DTWD1: variants seen among roughly 807,000 people sequenced by gnomAD.
DTWD1 encodes DTW motif tRNA-uridine aminocarboxypropyltransferase 1.
A neutral mutation model predicts 30.2 loss-of-function variants in DTWD1; 27 were observed. The observed-to-expected ratio is 0.90, with a 90% CI of 0.66 to 1.23. The LOEUF (loss-of-function observed/expected upper bound fraction) is 1.23. Ranked by LOEUF, DTWD1 falls within the 50% of genes most tolerant of loss-of-function variation. The pLI is 0.00. For synonymous variants in DTWD1, 99 were observed against 113.1 expected (o/e 0.88, Z 0.79); for missense variants, 342 against 348.8 (o/e 0.98, Z 0.15).
chr15:49,627,647 A>G (rs1359967553), intron 2 of DTWD1, among the ~76,000 whole-genome samples: 1 of 152,212 alleles, frequency 6.6e-6, no homozygotes, highest in African/African-American at 2.4e-5. Context: ...ATGTTATTGT[A>G]CTGCATACTG....
intron 2 of DTWD1, among the ~76,000 whole-genome samples, chr15:49,627,232 G>A (rs975934009): frequency 6.6e-6 from 1 of 152,060 alleles, no homozygotes; most frequent in Non-Finnish European, 1.5e-5. Context: ...ACTGTGCAGA[G>A]TTTTCTAAAG....
At position 49,648,176 on chromosome 15, in the gene DTWD1, AG is replaced by A. The variant is rs1339558742; in HGVS notation, c.*4600del. The A allele has an allele frequency of 6.6e-6, 1 of 152,224 alleles. No individual in the cohort carries two copies. The highest frequency in any genetic ancestry group is 1.5e-5 in the Non-Finnish European group (1 of 68,038). 9.4% of individuals were successfully genotyped at this position (152,224 alleles called of 1,614,324 possible). A position where few individuals can be genotyped will look rare whatever the true frequency, so the allele number is the denominator to read the frequency against. ...AAGTTTACAAAAAATAATGAGCATT[AG>A]GTAGATGGAATGAAAGTCTATTCAT... On this transcript the variant is annotated 3_prime_UTR_variant, in exon 5 of 5. Coordinates refer to ENST00000403028, the MANE Select transcript of DTWD1 (RefSeq NM_001144955.2).
intron 2 of DTWD1, chr15:49,630,887 G>A: frequency 4.0e-6 from 1 of 247,660 alleles, no homozygotes; most frequent in South Asian, 3.7e-5. Flanking sequence ...GGCAGCATTA[G>A]ATTCTCATAG....
intron 4 of DTWD1, among the ~76,000 whole-genome samples, 175 bp from the exon 5 acceptor site, chr15:49,643,156 G>GT (rs2079084713): frequency 6.6e-6 from 1 of 151,934 alleles, no homozygotes; most frequent in Non-Finnish European, 1.5e-5. Context: ...ACCTTGAGGT[G>GT]TTTAAGAAAA....
intron 2 of DTWD1, chr15:49,626,864 A>C (rs1422201561): frequency 2.8e-6 from 1 of 354,366 alleles, no homozygotes; most frequent in African/African-American, 2.1e-5. Flanking sequence ...TGATCTTCAC[A>C]GTTTGCTCCG....
rs1456213678 is a variant in DTWD1 at position 49,646,843 on chromosome 15, T to C, written c.*3265T>C. 2 of 152,222 alleles carry C rather than the reference T, an allele frequency of 1.3e-5. No individual in the cohort carries two copies. Among genetic ancestry groups the C allele is most frequent in the Non-Finnish European group, 1.5e-5 (1 of 68,054 alleles). The allele number at this position is 152,222 out of a possible 1,614,324, so 9.4% of individuals were successfully genotyped here. ...CCTCACTTCCTTTCTTCCTCGCTCT[T>C]ACCAGCCTGGATTGTACCTTTAATA... is the stretch of plus-strand genomic sequence containing the variant. On this transcript the variant is annotated 3_prime_UTR_variant, in exon 5 of 5. Coordinates refer to ENST00000403028, the MANE Select transcript of DTWD1 (RefSeq NM_001144955.2).
chr15:49,625,993 G>A (rs918747573), intron 2 of DTWD1, among the ~76,000 whole-genome samples: 1 of 152,070 alleles, frequency 6.6e-6, no homozygotes, highest in African/African-American at 2.4e-5. Flanking sequence ...ATCATTCCTA[G>A]CATGAAAACC....
chr15:49,633,640 T>C, intron 3 of DTWD1: 1 of 272,948 alleles, frequency 3.7e-6, no homozygotes, highest in Non-Finnish European at 7.2e-6. Context: ...CGGCCAAGAT[T>C]TTTTGTTTCA....
chr15:49,635,327 G>A (rs1218482499), intron 4 of DTWD1, among the ~76,000 whole-genome samples: 5 of 152,098 alleles, frequency 3.3e-5, no homozygotes, highest in South Asian at 4.2e-4. Context: ...GAGCTACCAC[G>A]TCCAGCCTAA....
At chr15:49,630,977 C>A (rs573339517) in intron 2 of DTWD1, 1 of 447,526 alleles carries the variant, frequency 2.2e-6, no homozygotes, top group Non-Finnish European at 4.5e-6. Context: ...GCCTGAAGAT[C>A]TGTCACTGTC....
At position 49,644,875 on chromosome 15, in the gene DTWD1, T is replaced by A. The variant is rs1346271894; in HGVS notation, c.*1297T>A. The A allele has an allele frequency of 6.6e-6, 1 of 152,208 alleles. No homozygotes were observed. Among genetic ancestry groups the A allele is most frequent in the Admixed American group, 6.5e-5 (1 of 15,274 alleles). 9.4% of individuals were successfully genotyped at this position (152,208 alleles called of 1,614,324 possible). ...GCTCATACATTTGTAAATACTGTAGTTGTTTTATTACACTCTTCTCAAATG... is the reference window on the plus strand; with the variant it reads ...GCTCATACATTTGTAAATACTGTAGATGTTTTATTACACTCTTCTCAAATG... On this transcript the variant is annotated 3_prime_UTR_variant, in exon 5 of 5. Transcript: ENST00000403028.
rs543748026 is a variant in DTWD1, at chr15:49,648,231, G to A, written c.*4653G>A. On this transcript the variant is annotated 3_prime_UTR_variant, in exon 5 of 5. Coordinates refer to ENST00000403028, the MANE Select transcript of DTWD1 (RefSeq NM_001144955.2). ...CTGTATATTAAGCTCTATATACACT[G>A]CATATCATCATCATGACATTGAGTT... 2.0e-5 allele frequency: 3 copies of A among 152,112 alleles called. No individual in the cohort carries two copies. Among genetic ancestry groups the A allele is most frequent in the Non-Finnish European group, 2.9e-5 (2 of 68,030 alleles). 9.4% of individuals were successfully genotyped at this position (152,112 alleles called of 1,614,324 possible).
In DTWD1 at chr15:49,630,646, G is replaced by T. The variant is rs2078906971; in HGVS notation, c.265-1513G>T. The stretch of plus-strand genomic sequence containing the variant: ...CAAAATCCAAGAGAATATTATTTTT[G>T]CATAGAGACATGTTACAGACAACAT... On this transcript the variant is annotated intron_variant, in intron 2 of 4. Transcript: ENST00000403028. Among the ~76,000 whole-genome samples the T allele has an allele frequency of 2.6e-5, 4 of 152,158 alleles. 1 individual carries two copies. Among genetic ancestry groups the T allele is most frequent in the South Asian group, 4.1e-4 (2 of 4,826 alleles).
At chr15:49,636,659 A>G (rs1235806630) in intron 4 of DTWD1, among the ~76,000 whole-genome samples, 2 of 152,188 alleles carry the variant, frequency 1.3e-5, no homozygotes, top group East Asian at 1.9e-4. Context: ...ACTTACAGGT[A>G]AGGATAAATC....
chr15:49,637,077 T>G (rs1194775757), intron 4 of DTWD1, among the ~76,000 whole-genome samples: 1 of 152,184 alleles, frequency 6.6e-6, no homozygotes, highest in African/African-American at 2.4e-5. Context: ...AATTACATGA[T>G]TTCTTCCTAC....
Position 49,638,804 on chromosome 15 carries a change from T to G in DTWD1, c.667+4010T>G, listed in dbSNP as rs1678910153. Among the ~76,000 whole-genome samples the G allele has an allele frequency of 2.0e-5, 3 of 152,148 alleles. No individual in the cohort carries two copies. In the South Asian group the frequency reaches 6.2e-4, roughly 31 times the overall value. ...AAAATAGCTCTGTGTGTTCTACCAG[T>G]GTCAAAATAAAACACTTGAAGGTAG... is the stretch of plus-strand genomic sequence containing the variant. On this transcript the variant is annotated intron_variant, in intron 4 of 4. Transcript: ENST00000403028.
chr15:49,636,883 A>G (rs2153353350), intron 4 of DTWD1, among the ~76,000 whole-genome samples: 1 of 152,272 alleles, frequency 6.6e-6, no homozygotes, highest in South Asian at 2.1e-4. Context: ...TAAAGTGGTG[A>G]TTACCCCATC....
In DTWD1 at chr15:49,648,634, C is replaced by T. The variant is rs2079135082; in HGVS notation, c.*5056C>T. The T allele has an allele frequency of 2.0e-5, 3 of 151,988 alleles. No homozygotes were observed. Among genetic ancestry groups the T allele is most frequent in the Admixed American group, 2.0e-4 (3 of 15,244 alleles). The allele number at this position is 151,988 out of a possible 1,614,324, so 9.4% of individuals were successfully genotyped here. A position where few individuals can be genotyped will look rare whatever the true frequency, so the allele number is the denominator to read the frequency against. The stretch of plus-strand genomic sequence containing the variant: ...TTTTAATTATGACATTTTTTGTATT[C>T]CCTTGAGGCACTGACAACTATAGTC... On this transcript the variant is annotated 3_prime_UTR_variant, in exon 5 of 5. Coordinates refer to ENST00000403028, the MANE Select transcript of DTWD1 (RefSeq NM_001144955.2).
chr15:49,636,691 T>A (rs2079007432), intron 4 of DTWD1, among the ~76,000 whole-genome samples: 1 of 152,160 alleles, frequency 6.6e-6, no homozygotes, highest in Admixed American at 6.5e-5. Context: ...ATGTCTAGTT[T>A]ATATCTATCG....
Sources: gnomAD v4.1 joint callset for allele counts (sites outside exome capture counted in the v4.1 genomes callset) on GRCh38, gnomAD v4.1.1 for gene constraint, MANE v1.5 for transcripts, NCBI Gene and HGNC (gene_info 2026-07-23, HGNC 2026-07-21) for gene names.